Variants in L3MBTL2 observed in about 807,000 individuals in gnomAD.
L3MBTL2 encodes L3MBTL histone methyl-lysine binding protein 2.
In L3MBTL2, 49 loss-of-function variants were observed where a neutral mutation model predicts 86.4. The ratio of observed to expected loss-of-function variants is 0.57; its 90% CI spans 0.45 to 0.72. The LOEUF is 0.72. L3MBTL2 is among the 30% of genes least tolerant of loss of function. L3MBTL2 has a pLI of 0.00. For missense variants in L3MBTL2, 755 were observed against 923.7 expected, an observed-to-expected ratio of 0.82 and a Z score of 2.37; for synonymous variants, 336 against 350.6, an observed-to-expected ratio of 0.96 and a Z score of 0.47.
chr22:41,220,845 G>A lies in L3MBTL2; in HGVS notation c.830G>A (p.Ser277Asn), dbSNP rs754587142. Residue 277 changes from serine (S) to asparagine (N), a missense_variant, in exon 7 of 17, where the codon AGC (serine) becomes AAC (asparagine). Ser to Asn is a conservative substitution (Grantham distance 46). This residue lies in a region of L3MBTL2 where 634 missense variants were observed against 748.9 expected (regional missense o/e 0.85). Transcript: ENST00000216237. ...CCCATTGGCTGGTGTGCCATCAACA[G>A]CAAGATCCTAGTGCCCCCACGGAGT... Reference protein sequence around the residue: ...VHPIGWCAINSKILVPPRTIH... With the variant: ...VHPIGWCAINNKILVPPRTIH... 1.2e-6 allele frequency: 2 copies of A among 1,613,730 alleles called. No individual in the cohort carries two copies. The highest frequency in any genetic ancestry group is 1.7e-6 in the Non-Finnish European group (2 of 1,179,726).
At position 41,224,124 on chromosome 22, in the gene L3MBTL2, C is replaced by A; in HGVS notation, c.1047C>A (p.Ile349=). 3 of 1,614,114 alleles carry A rather than the reference C, an allele frequency of 1.9e-6. No individual in the cohort carries two copies. The South Asian group carries it at 3.3e-5, about 18-fold the overall frequency. Residue 349 remains isoleucine, a synonymous_variant, in exon 9 of 17, where the codon ATC becomes ATA. Transcript: ENST00000216237. The surrounding 1 kb of genome is among the most constrained non-coding windows in gnomAD (Gnocchi z 4.9). ...GCATGGCTGTGGTGGACACAGTAAT[C>A]GGGGGTCGCCTACGGCTCCTCTACG... ...RTRMAVVDTV[I]GGRLRLLYED...
intron 5 of L3MBTL2, chr22:41,218,116 G>C (rs2031536054): frequency 6.6e-6 from 1 of 152,226 alleles, no homozygotes; most frequent in Non-Finnish European, 1.5e-5. Flanking sequence ...CTGCGTGCCT[G>C]GGCTAGCGCA....
intron 1 of L3MBTL2, chr22:41,208,536 C>A (rs76008395): frequency 0.015 from 4,212 of 276,220 alleles, 198 homozygotes; most frequent in African/African-American, 0.092. Context: ...TTGAAGCCCA[C>A]AGAAGTTAAA....
chr22:41,222,828 A>G (rs2031918357), intron 8 of L3MBTL2, among the ~76,000 whole-genome samples: 1 of 152,128 alleles, frequency 6.6e-6, no homozygotes, highest in South Asian at 2.1e-4. Context: ...GGCTGAGGTG[A>G]GAGAATCGCT....
intron 15 of L3MBTL2, 74 bp from the exon 16 acceptor site, chr22:41,229,466 G>T: frequency 6.6e-7 from 1 of 1,522,640 alleles, no homozygotes; most frequent in Non-Finnish European, 8.9e-7. Context: ...CCTGACCACT[G>T]GGTGAGACCT....
rs1247298272 is a variant in L3MBTL2, at chr22:41,224,227, G to A, written c.1150G>A (p.Val384Met). The stretch of plus-strand genomic sequence containing the variant: ...CCACCCAGTGGGTTGGTCACGACGT[G>A]TGGGCCACGGCATCAAGATGTCAGG... Reference protein sequence around the residue: ...LIHPVGWSRRVGHGIKMSERR... With the variant: ...LIHPVGWSRRMGHGIKMSERR... Residue 384 changes from valine (V) to methionine (M), a missense_variant, in exon 9 of 17, where the codon GTG (valine) becomes ATG (methionine). Physicochemically the swap from Val to Met is conservative, Grantham distance 21. Coordinates refer to ENST00000216237, the MANE Select transcript of L3MBTL2 (RefSeq NM_031488.5). This position sits in a 1 kb window ranked among gnomAD's most constrained non-coding sequence, Gnocchi z 4.9. The A allele has an allele frequency of 6.2e-7, 1 of 1,612,638 alleles. No homozygotes were observed. The highest frequency in any genetic ancestry group is 8.5e-7 in the Non-Finnish European group (1 of 1,178,870).
At chr22:41,212,202 T>C (rs2030930626) in intron 2 of L3MBTL2, among the ~76,000 whole-genome samples, 1 of 152,102 alleles carries the variant, frequency 6.6e-6, no homozygotes, top group African/African-American at 2.4e-5. Context: ...TTTTCATCCC[T>C]TGCCTTTTAT....
intron 4 of L3MBTL2, 148 bp from the exon 5 acceptor site, chr22:41,216,975 G>C: frequency 1.6e-6 from 1 of 622,666 alleles, no homozygotes; most frequent in East Asian, 2.7e-5. Flanking sequence ...GTATGGGAGT[G>C]AAGGAGGGTG....
intron 1 of L3MBTL2, among the ~76,000 whole-genome samples, chr22:41,207,150 T>G (rs980443105): frequency 6.6e-6 from 1 of 152,070 alleles, no homozygotes; most frequent in Non-Finnish European, 1.5e-5. Flanking sequence ...CCAGTAAAAA[T>G]TGGCAACCTT....
At chr22:41,211,688 C>T (rs1249007808) in intron 2 of L3MBTL2, among the ~76,000 whole-genome samples, 2 of 149,860 alleles carry the variant, frequency 1.3e-5, no homozygotes, top group African/African-American at 4.9e-5. Context: ...TCCCCAGCAG[C>T]TGGGACTACA....
At chr22:41,221,883 A>G (rs990351082) in intron 8 of L3MBTL2, among the ~76,000 whole-genome samples, 2 of 150,420 alleles carry the variant, frequency 1.3e-5, no homozygotes, top group African/African-American at 2.5e-5. Context: ...GATTACAGGC[A>G]TGAGCCACCG....
rs765620054 is a variant in L3MBTL2, at chr22:41,227,920, G to T, written c.1888+51G>T. 15 of 1,598,516 alleles carry T rather than the reference G, an allele frequency of 9.4e-6. No individual in the cohort carries two copies. ...GCTGGTGTGGGCCTGGGAGCAGTGGGCCTGCGTCCCTGGGAGCAGGCGGGG... is the reference window on the plus strand; with the variant it reads ...GCTGGTGTGGGCCTGGGAGCAGTGGTCCTGCGTCCCTGGGAGCAGGCGGGG... On this transcript the variant is annotated intron_variant, in intron 15 of 16. Transcript: ENST00000216237. The surrounding 1 kb of genome is among the most constrained non-coding windows in gnomAD (Gnocchi z 6.0).
chr22:41,216,817 G>A (rs1351048959), intron 4 of L3MBTL2, among the ~76,000 whole-genome samples: 1 of 152,222 alleles, frequency 6.6e-6, no homozygotes, highest in African/African-American at 2.4e-5. Context: ...GGCGGAGGGA[G>A]GAATTTAAGC....
At position 41,224,819 on chromosome 22, in the gene L3MBTL2, G is replaced by A; in HGVS notation, c.1251+18G>A. ...TCAAGAAGGTGAGGTTCAGCTCTTG[G>A]GCGCTTTTCCCCTCAGCCATGGGTC... On this transcript the variant is annotated intron_variant, in intron 10 of 16. Transcript: ENST00000216237. The surrounding 1 kb of genome is among the most constrained non-coding windows in gnomAD (Gnocchi z 4.9). 3 of 1,609,128 alleles carry A rather than the reference G, an allele frequency of 1.9e-6. No homozygotes were observed. Among genetic ancestry groups the A allele is most frequent in the East Asian group, 4.5e-5 (2 of 44,850 alleles).
intron 3 of L3MBTL2, 26 bp downstream of exon 3, chr22:41,214,052 C>G: frequency 1.2e-6 from 2 of 1,612,702 alleles, no homozygotes; most frequent in South Asian, 2.2e-5. Flanking sequence ...TTGGATCCTT[C>G]CCGGTGCCTT....
chr22:41,216,243 G>C lies in L3MBTL2; in HGVS notation c.501G>C (p.Gly167=), dbSNP rs760169500. ...HSQGTGQLAD[G]TPTGQDALVL... Reference sequence around the variant, plus strand: ...AAGGGACAGGACAGCTGGCAGATGGGACACCAACAGGACAAGACGGTAAGA... The same window carrying C: ...AAGGGACAGGACAGCTGGCAGATGGCACACCAACAGGACAAGACGGTAAGA... Residue 167 remains glycine, a synonymous_variant, in exon 4 of 17, where the codon GGG becomes GGC. Transcript: ENST00000216237. 1.2e-6 allele frequency: 2 copies of C among 1,614,106 alleles called. No homozygotes were observed. The highest frequency in any genetic ancestry group is 2.2e-5 in the East Asian group (1 of 44,872).
intron 2 of L3MBTL2, among the ~76,000 whole-genome samples, chr22:41,211,856 CTTTTTTTT>C (rs35869187): frequency 2.9e-4 from 20 of 67,900 alleles, no homozygotes; most frequent in African/African-American, 1.3e-3. Flanking sequence ...CGCACCCGGC[CTTTTTTTT>C]TTTTTTTTTT....
At position 41,227,641 on chromosome 22, in the gene L3MBTL2, C is replaced by T. The variant is rs774001364; in HGVS notation, c.1823-163C>T. ...GTGGGAAGAAGGGACAGCTGTTCTC[C>T]GGCCCCTCCTCCAGCCCCGCCCTCT... On this transcript the variant is annotated intron_variant, in intron 14 of 16. Coordinates refer to ENST00000216237, the MANE Select transcript of L3MBTL2 (RefSeq NM_031488.5). The surrounding 1 kb of genome is among the most constrained non-coding windows in gnomAD (Gnocchi z 6.0). 21 of 1,549,988 alleles carry T rather than the reference C, an allele frequency of 1.4e-5. No individual in the cohort carries two copies. The highest frequency in any genetic ancestry group is 1.7e-4 in the Middle Eastern group (1 of 5,992).
rs369709167 is a variant in L3MBTL2, at chr22:41,229,668, C to T, written c.2005+12C>T. On this transcript the variant is annotated intron_variant, in intron 16 of 16. Coordinates refer to ENST00000216237, the MANE Select transcript of L3MBTL2 (RefSeq NM_031488.5). ...TGTTCCTGGCGAGAGTAAGAGCCAC[C>T]GGGCTGGGTCAAGGCAGGACCAGCC... 28 of 1,613,124 alleles carry T rather than the reference C, an allele frequency of 1.7e-5. No homozygotes were observed. The African/African-American group carries it at 1.9e-4, about 11-fold the overall frequency.
Sources: allele counts gnomAD v4.1 joint callset (sites outside exome capture counted in the v4.1 genomes callset), GRCh38; gene constraint gnomAD v4.1.1; regional missense constraint gnomAD v4.1.1; non-coding constraint Gnocchi (gnomAD v3.1); transcripts MANE v1.5; gene names NCBI Gene and HGNC (gene_info 2026-07-23, HGNC 2026-07-21).